SLC6A5: variants seen among roughly 807,000 people sequenced by gnomAD.
The protein encoded by SLC6A5 is sodium- and chloride-dependent glycine transporter 2.
SLC6A5 carries 58 observed loss-of-function variants against 90.5 expected under a neutral mutation model. The observed-to-expected ratio is 0.64, with a 90% CI of 0.52 to 0.80. The LOEUF is 0.80. Ranked by LOEUF, SLC6A5 falls within the 30% of genes least tolerant of loss-of-function variation. SLC6A5 has a pLI of 0.00. For synonymous variants in SLC6A5, 427 were observed against 401.4 expected, an observed-to-expected ratio of 1.06 and a Z score of -0.76; for missense variants, 1,015 against 1,017.6, an observed-to-expected ratio of 1.00 and a Z score of 0.03.
chr11:20,642,226 CA>C (rs1853328317), intron 13 of SLC6A5, among the ~76,000 whole-genome samples: 6 of 148,268 alleles, frequency 4.0e-5, no homozygotes, highest in Admixed American at 4.0e-4. Context: ...AGAGAGGAAC[CA>C]CACCTGGCCA....
Position 20,656,425 on chromosome 11 carries a change from T to C in SLC6A5, c.*1557T>C, listed in dbSNP as rs887464819. The C allele has an allele frequency of 1.3e-5, 2 of 152,174 alleles. No homozygotes were observed. The highest frequency in any genetic ancestry group is 2.9e-5 in the Non-Finnish European group (2 of 68,030). 9.4% of individuals were successfully genotyped at this position (152,174 alleles called of 1,614,324 possible). Reference sequence around the variant, plus strand: ...TCATAGTACAGGGTCTCAGGCAAAGTTTTTCAGTTCAAATCTTGTATATTG... The same window carrying C: ...TCATAGTACAGGGTCTCAGGCAAAGCTTTTCAGTTCAAATCTTGTATATTG... On this transcript the variant is annotated 3_prime_UTR_variant, in exon 16 of 16. Transcript: ENST00000525748.
intron 7 of SLC6A5, among the ~76,000 whole-genome samples, chr11:20,619,245 T>C (rs1852844087): frequency 6.6e-6 from 1 of 152,174 alleles, no homozygotes. Context: ...CAGTGCCATC[T>C]TTCACCCCCA....
At chr11:20,629,730 A>AT (rs200051883) in intron 9 of SLC6A5, among the ~76,000 whole-genome samples, 2,885 of 137,734 alleles carry the variant, frequency 0.021, 81 homozygotes, top group African/African-American at 0.068. Flanking sequence ...CTGTAGGATG[A>AT]TTTTTTTTTT....
intron 7 of SLC6A5, 86 bp downstream of exon 7, chr11:20,617,970 G>A (rs1852816225): frequency 7.4e-7 from 1 of 1,359,606 alleles, no homozygotes; most frequent in Non-Finnish European, 1.0e-6. Context: ...TGGAAAGAGA[G>A]TCAGGAGCTG....
chr11:20,618,634 G>T (rs1852828955), intron 7 of SLC6A5, among the ~76,000 whole-genome samples: 1 of 152,084 alleles, frequency 6.6e-6, no homozygotes, highest in East Asian at 1.9e-4. Context: ...TCTCCTTGCA[G>T]CCTTAGAAAA....
chr11:20,614,591 G>C, intron 5 of SLC6A5, 88 bp from the exon 6 acceptor site: 1 of 1,258,046 alleles, frequency 7.9e-7, no homozygotes, highest in East Asian at 2.3e-5. Flanking sequence ...AATGTTTTTG[G>C]CATTTGTTTT....
At chr11:20,627,444 A>T (rs1175927258) in intron 8 of SLC6A5, among the ~76,000 whole-genome samples, 2 of 152,182 alleles carry the variant, frequency 1.3e-5, no homozygotes, top group Non-Finnish European at 2.9e-5. Flanking sequence ...AAGATTGCAT[A>T]GCTAGGATTG....
intron 13 of SLC6A5, among the ~76,000 whole-genome samples, chr11:20,644,784 C>T (rs1853378857): frequency 6.6e-6 from 1 of 152,022 alleles, no homozygotes; most frequent in East Asian, 1.9e-4. Context: ...AGATATAGAA[C>T]ATCAGCAGGG....
intron 15 of SLC6A5, among the ~76,000 whole-genome samples, chr11:20,652,948 C>A (rs1208660992): frequency 6.6e-6 from 1 of 152,176 alleles, no homozygotes; most frequent in Admixed American, 6.5e-5. Context: ...TGTCACTGTT[C>A]CCACAGAATG....
intron 7 of SLC6A5, 51 bp downstream of exon 7, chr11:20,617,935 T>A (rs1852815219): frequency 1.3e-6 from 2 of 1,590,640 alleles, no homozygotes; most frequent in Non-Finnish European, 1.7e-6. Context: ...CCAGGGGCGG[T>A]TGCTTTGGGG....
In SLC6A5 at chr11:20,601,669, A is replaced by G. The variant is rs1301007677; in HGVS notation, c.540+4A>G. ...CGTGGCCACCGTTGCCACCCAGGTA[A>G]GCAGGTTGCATTACGGCCCGCACAG... On this transcript the variant is annotated splice_donor_region_variant and intron_variant, in intron 2 of 15. Transcript: ENST00000525748. 1 of 1,613,054 alleles carries G rather than the reference A, an allele frequency of 6.2e-7. No individual in the cohort carries two copies. The highest frequency in any genetic ancestry group is 1.1e-5 in the South Asian group (1 of 91,020).
intron 4 of SLC6A5, 130 bp from the exon 5 acceptor site, chr11:20,607,349 A>G (rs1852603526): frequency 1.7e-6 from 2 of 1,207,868 alleles, no homozygotes; most frequent in Non-Finnish European, 2.4e-6. Context: ...GTAGACATAC[A>G]GTCCACTCTG....
At chr11:20,629,871 C>A (rs546034742) in intron 9 of SLC6A5, among the ~76,000 whole-genome samples, 1 of 151,898 alleles carries the variant, frequency 6.6e-6, no homozygotes, top group African/African-American at 2.4e-5. Context: ...TGCCACCATG[C>A]CCCGCTAATT....
intron 13 of SLC6A5, among the ~76,000 whole-genome samples, chr11:20,638,768 G>C (rs188446529): frequency 6.6e-6 from 1 of 152,144 alleles, no homozygotes; most frequent in Non-Finnish European, 1.5e-5. Context: ...GGCTGAAGGC[G>C]AAACTTAAAA....
chr11:20,630,628 TC>T, intron 9 of SLC6A5, 62 bp from the exon 10 acceptor site: 1 of 1,593,862 alleles, frequency 6.3e-7, no homozygotes, highest in Non-Finnish European at 8.6e-7. Flanking sequence ...TGTGTGTCCT[TC>T]CCCTTGTCCC....
At chr11:20,636,264 T>A in intron 10 of SLC6A5, 43 bp from the exon 11 acceptor site, 1 of 1,260,262 alleles carries the variant, frequency 7.9e-7, no homozygotes, top group Non-Finnish European at 1.2e-6. Flanking sequence ...AAGAGCAGCC[T>A]TGAGTAGGGC....
At chr11:20,600,343 A>AAGAAGAAGAAGAAGG (rs1852437330) in intron 1 of SLC6A5, among the ~76,000 whole-genome samples, 2 of 68,396 alleles carry the variant, frequency 2.9e-5, no homozygotes, top group South Asian at 9.2e-4. Flanking sequence ...GAGGAAGAAG[A>AAGAAGAAGAAGAAGG]AGAAGAAGAA....
chr11:20,602,215 TC>T (rs1852494029), intron 2 of SLC6A5, among the ~76,000 whole-genome samples: 1 of 152,170 alleles, frequency 6.6e-6, no homozygotes, highest in Admixed American at 6.5e-5. Context: ...TTGGGGCCTG[TC>T]CTTTGCCTGG....
intron 3 of SLC6A5, among the ~76,000 whole-genome samples, chr11:20,606,335 G>A (rs1302146029): frequency 6.6e-6 from 1 of 152,210 alleles, no homozygotes; most frequent in Non-Finnish European, 1.5e-5. Flanking sequence ...ATCGGTGCCT[G>A]GAGAAAGGTA....
Sources: allele counts gnomAD v4.1 joint callset (sites outside exome capture counted in the v4.1 genomes callset), GRCh38; gene constraint gnomAD v4.1.1; transcripts MANE v1.5; gene names NCBI Gene and HGNC (gene_info 2026-07-23, HGNC 2026-07-21).